Variants in IMPA2 observed in about 807,000 individuals in gnomAD.
The protein encoded by IMPA2 is IMP 2.
IMPA2 carries 32 observed loss-of-function variants against 35.1 expected under a neutral mutation model. The observed-to-expected ratio is 0.91, with a 90% CI of 0.69 to 1.23. IMPA2 has a LOEUF of 1.23. Among genes scored for constraint, IMPA2 ranks in the 50% most tolerant of loss-of-function variants. IMPA2 has a pLI of 0.00. For synonymous variants in IMPA2, 135 were observed against 160.6 expected (o/e 0.84, Z 1.20); for missense variants, 334 against 387.6 (o/e 0.86, Z 1.16).
chr18:12,020,172 C>CTTTATTTATTTATTTATTTA lies in IMPA2; in HGVS notation c.490+5809_490+5810insTATTTATTTATTTATTTATT, dbSNP rs538492835. ...ACAGGTATGAGCCACCACACTCGGC[C>CTTTATTTATTTATTTATTTA]TTTATTTATTGATTGATTGATTGAT... On this transcript the variant is annotated intron_variant, in intron 5 of 7. Transcript: ENST00000269159. Among the ~76,000 whole-genome samples the CTTTATTTATTTATTTATTTA allele has an allele frequency of 1.8e-3, 267 of 150,172 alleles. 1 individual carries two copies. Among genetic ancestry groups the CTTTATTTATTTATTTATTTA allele is most frequent in the African/African-American group, 6.2e-3 (248 of 40,220 alleles).
intron 4 of IMPA2, among the ~76,000 whole-genome samples, chr18:12,013,663 G>A (rs537774013): frequency 1.3e-5 from 2 of 152,300 alleles, no homozygotes; most frequent in African/African-American, 2.4e-5. Context: ...CCTTTTCCAC[G>A]CTGACCTCTT....
intron 1 of IMPA2, 24 bp downstream of exon 1, chr18:11,981,789 A>C (rs1906506880): frequency 2.5e-6 from 3 of 1,214,792 alleles, no homozygotes; most frequent in Non-Finnish European, 3.1e-6. Context: ...CTGGGCTCGG[A>C]AGTCCGGGCG....
chr18:11,997,410 A>G (rs757660518), intron 1 of IMPA2, among the ~76,000 whole-genome samples: 15 of 152,256 alleles, frequency 9.9e-5, no homozygotes, highest in South Asian at 2.1e-4. Flanking sequence ...TACCCAGTGG[A>G]CATGGCTATG....
intron 7 of IMPA2, among the ~76,000 whole-genome samples, chr18:12,029,560 T>G (rs1465823890): frequency 1.3e-5 from 2 of 152,152 alleles, no homozygotes. Context: ...TAGCTGGGAC[T>G]AAAGGCACTC....
At chr18:12,021,041 T>G (rs1034966036) in intron 5 of IMPA2, among the ~76,000 whole-genome samples, 23 of 152,008 alleles carry the variant, frequency 1.5e-4, no homozygotes, top group African/African-American at 4.8e-4. Flanking sequence ...CAGACAGCAT[T>G]TGTAGTTTCA....
At chr18:12,026,963 G>T (rs988997151) in intron 5 of IMPA2, among the ~76,000 whole-genome samples, 5 of 152,236 alleles carry the variant, frequency 3.3e-5, no homozygotes, top group African/African-American at 1.2e-4. Context: ...GGTGTAAAAT[G>T]AGAGTTTCCA....
At chr18:12,023,882 G>A (rs936930023) in intron 5 of IMPA2, among the ~76,000 whole-genome samples, 1 of 152,186 alleles carries the variant, frequency 6.6e-6, no homozygotes, top group Non-Finnish European at 1.5e-5. Context: ...GCCCAGTAGG[G>A]TTGAGGGGGC....
At position 12,028,809 on chromosome 18, in the gene IMPA2, C is replaced by T. The variant is rs554366386; in HGVS notation, c.600-33C>T. ...CACACCACAGAAAAGGCTCCACTCC[C>T]GCCTGCATCTGTCCTCCCTTCCCTC... On this transcript the variant is annotated intron_variant, in intron 6 of 7. Coordinates refer to ENST00000269159, the MANE Select transcript of IMPA2 (RefSeq NM_014214.3). 5.0e-5 allele frequency: 81 copies of T among 1,607,298 alleles called. 1 individual carries two copies. Among genetic ancestry groups the T allele is most frequent in the South Asian group, 4.4e-4 (40 of 90,290 alleles).
chr18:12,012,364 C>T (rs778993596), intron 4 of IMPA2, 149 bp downstream of exon 4: 9 of 709,568 alleles, frequency 1.3e-5, no homozygotes, highest in East Asian at 7.5e-5. Context: ...GTTTCAAATC[C>T]GAGAAAATAA....
intron 2 of IMPA2, among the ~76,000 whole-genome samples, chr18:12,003,676 A>AAAAAAG (rs1907179776): frequency 1.3e-5 from 1 of 78,906 alleles, no homozygotes; most frequent in African/African-American, 7.8e-5. Flanking sequence ...AAAAGGAAAA[A>AAAAAAG]AAAAAAAAAA....
intron 7 of IMPA2, 105 bp downstream of exon 7, chr18:12,029,098 CAGAG>C: frequency 3.6e-6 from 3 of 840,760 alleles, no homozygotes; most frequent in Non-Finnish European, 5.2e-6. Context: ...CCACCTTCCC[CAGAG>C]TTTCTGTTTT....
At chr18:12,027,567 A>AC (rs754497663) in intron 5 of IMPA2, among the ~76,000 whole-genome samples, 61 of 90,978 alleles carry the variant, frequency 6.7e-4, no homozygotes, top group Non-Finnish European at 1.2e-3. Context: ...AATGATGGTG[A>AC]TTTTTTTTTT....
At chr18:12,007,655 CTTTCT>C (rs1907305780) in intron 2 of IMPA2, among the ~76,000 whole-genome samples, 1 of 137,014 alleles carries the variant, frequency 7.3e-6, no homozygotes. Flanking sequence ...TTCTTTCTTT[CTTTCT>C]TTCTTTCTTT....
intron 2 of IMPA2, among the ~76,000 whole-genome samples, chr18:12,002,819 A>C (rs533858549): frequency 1.3e-5 from 2 of 151,792 alleles, no homozygotes; most frequent in Admixed American, 1.3e-4. Flanking sequence ...TGTTGGTGAG[A>C]ATGTAAATTG....
chr18:11,989,772 C>T lies in IMPA2; in HGVS notation c.96+8007C>T, dbSNP rs1158268558. On this transcript the variant is annotated intron_variant, in intron 1 of 7. Transcript: ENST00000269159. ...GCTCATCCCCACGGGGAGAGTGAGTCCTGGACTCTGTGGCCCTGAGCTTGT... is the reference window on the plus strand; with the variant it reads ...GCTCATCCCCACGGGGAGAGTGAGTTCTGGACTCTGTGGCCCTGAGCTTGT... Among the ~76,000 whole-genome samples the T allele has an allele frequency of 2.6e-5, 4 of 152,092 alleles. No individual in the cohort carries two copies. The East Asian group carries it at 7.7e-4, about 29-fold the overall frequency.
At chr18:12,002,189 T>G (rs1039828358) in intron 2 of IMPA2, among the ~76,000 whole-genome samples, 1 of 152,186 alleles carries the variant, frequency 6.6e-6, no homozygotes, top group Non-Finnish European at 1.5e-5. Flanking sequence ...AAATAGGACA[T>G]TGTGATTTTT....
chr18:11,996,939 G>A (rs1281295516), intron 1 of IMPA2, among the ~76,000 whole-genome samples: 3 of 148,446 alleles, frequency 2.0e-5, no homozygotes, highest in Admixed American at 6.7e-5. Context: ...ACACCACACC[G>A]ATACACACAC....
Position 12,030,720 on chromosome 18 carries a change from T to G in IMPA2, c.*262T>G. On this transcript the variant is annotated 3_prime_UTR_variant, in exon 8 of 8. Transcript: ENST00000269159. ...CGTGTTCTTCTGTCAGGGCCAAAAC[T>G]CAAATCTCCTGTGAAATACGTATTG... 2.2e-6 allele frequency: 1 copy of G among 445,338 alleles called. No individual in the cohort carries two copies. The highest frequency in any genetic ancestry group is 4.0e-6 in the Non-Finnish European group (1 of 248,526). The allele number at this position is 445,338 out of a possible 1,614,324, so 27.6% of individuals were successfully genotyped here. A position where few individuals can be genotyped will look rare whatever the true frequency, so the allele number is the denominator to read the frequency against.
At chr18:12,029,867 G>A (rs924539669) in intron 7 of IMPA2, among the ~76,000 whole-genome samples, 2 of 152,198 alleles carry the variant, frequency 1.3e-5, no homozygotes, top group African/African-American at 4.8e-5. Context: ...CATCTTGCCC[G>A]AGCTTCTTCG....
Sources: gnomAD v4.1 joint callset for allele counts (sites outside exome capture counted in the v4.1 genomes callset) on GRCh38, gnomAD v4.1.1 for gene constraint, MANE v1.5 for transcripts, NCBI Gene and HGNC (gene_info 2026-07-23, HGNC 2026-07-21) for gene names.